The following IQCK variants were observed in gnomAD, a reference collection of about 807,000 sequenced individuals.
IQCK encodes IQ domain-containing protein K.
IQCK carries 29 observed loss-of-function variants against 28.1 expected under a neutral mutation model. That is an observed-to-expected ratio of 1.03 (90% CI 0.77 to 1.41). IQCK has a LOEUF of 1.41. Ranked by LOEUF, IQCK falls within the 40% of genes most tolerant of loss-of-function variation. The pLI is 0.00. For synonymous variants in IQCK, 113 were observed against 115.1 expected (o/e 0.98, Z 0.12); for missense variants, 359 against 314.7 (o/e 1.14, Z -1.07).
chr16:19,728,344 G>T (rs186037700), intron 1 of IQCK, among the ~76,000 whole-genome samples: 3 of 152,090 alleles, frequency 2.0e-5, no homozygotes, highest in Non-Finnish European at 4.4e-5. Context: ...CACCTCCCTG[G>T]TTCAAATGAT....
At chr16:19,836,712 C>T (rs2056303255) in intron 9 of IQCK, among the ~76,000 whole-genome samples, 3 of 152,306 alleles carry the variant, frequency 2.0e-5, no homozygotes, top group Admixed American at 1.3e-4. Flanking sequence ...TGGGGTTTCA[C>T]CATGTTGGCC....
intron 6 of IQCK, among the ~76,000 whole-genome samples, chr16:19,767,068 A>G (rs191647589): frequency 2.6e-5 from 4 of 152,162 alleles, no homozygotes; most frequent in Non-Finnish European, 2.9e-5. Flanking sequence ...AGGGCATGCA[A>G]CAGGGGGATG....
chr16:19,770,647 G>A (rs1378579540), intron 6 of IQCK, among the ~76,000 whole-genome samples: 2 of 151,942 alleles, frequency 1.3e-5, no homozygotes, highest in Admixed American at 1.3e-4. Flanking sequence ...GGGGGTGACA[G>A]GGTCTAACTC....
intron 2 of IQCK, among the ~76,000 whole-genome samples, chr16:19,733,415 A>G (rs1977903951): frequency 6.6e-6 from 1 of 152,150 alleles, no homozygotes; most frequent in Non-Finnish European, 1.5e-5. Context: ...CTGGGATTAC[A>G]GGCGTGAGTT....
At chr16:19,762,672 T>G (rs2055165449) in intron 4 of IQCK, among the ~76,000 whole-genome samples, 1 of 152,126 alleles carries the variant, frequency 6.6e-6, no homozygotes, top group African/African-American at 2.4e-5. Context: ...GAATATACAG[T>G]TGACTCCTAA....
chr16:19,785,404 A>G (rs990350202), intron 6 of IQCK, among the ~76,000 whole-genome samples: 3 of 152,192 alleles, frequency 2.0e-5, no homozygotes, highest in African/African-American at 7.2e-5. Context: ...AGTGCCAGTG[A>G]GGCAGGAGAA....
chr16:19,730,048 C>T (rs960886583), intron 1 of IQCK, among the ~76,000 whole-genome samples: 12 of 151,898 alleles, frequency 7.9e-5, no homozygotes, highest in Middle Eastern at 3.4e-3. Flanking sequence ...CTCTGCCTCC[C>T]GGGTTCAAGC....
intron 1 of IQCK, among the ~76,000 whole-genome samples, chr16:19,722,311 C>T (rs1013811926): frequency 5.3e-5 from 8 of 152,186 alleles, no homozygotes; most frequent in African/African-American, 1.9e-4. Flanking sequence ...CCCCGCTACT[C>T]GCCACTCAGC....
At chr16:19,743,391 G>A (rs1237072456) in intron 4 of IQCK, among the ~76,000 whole-genome samples, 1 of 152,216 alleles carries the variant, frequency 6.6e-6, no homozygotes, top group Non-Finnish European at 1.5e-5. Context: ...TGGAGCTGGA[G>A]CTGGGCAAGG....
intron 4 of IQCK, among the ~76,000 whole-genome samples, chr16:19,755,019 C>T (rs957610231): frequency 6.6e-6 from 1 of 151,566 alleles, no homozygotes; most frequent in African/African-American, 2.4e-5. Flanking sequence ...AATGCCTTCT[C>T]AATGGAAAAA....
At chr16:19,753,138 G>A (rs1254948704) in intron 4 of IQCK, among the ~76,000 whole-genome samples, 1 of 151,846 alleles carries the variant, frequency 6.6e-6, no homozygotes, top group Admixed American at 6.6e-5. Context: ...ATTTGGGCTG[G>A]GCATAGTGTC....
intron 4 of IQCK, among the ~76,000 whole-genome samples, chr16:19,741,735 C>T (rs1403189366): frequency 6.6e-6 from 1 of 152,042 alleles, no homozygotes; most frequent in Non-Finnish European, 1.5e-5. Flanking sequence ...GCCTGTAATC[C>T]CACCACTTAG....
chr16:19,749,316 T>A (rs546352499), intron 4 of IQCK, among the ~76,000 whole-genome samples: 37 of 152,212 alleles, frequency 2.4e-4, no homozygotes, highest in Non-Finnish European at 5.1e-4. Flanking sequence ...GCCTTCCAAC[T>A]ACACAGGTCA....
At chr16:19,731,008 G>A (rs1210971918) in intron 2 of IQCK, among the ~76,000 whole-genome samples, 1 of 152,194 alleles carries the variant, frequency 6.6e-6, no homozygotes, top group Non-Finnish European at 1.5e-5. Context: ...ACAGATGTGA[G>A]CCACTGCTCC....
chr16:19,850,714 C>T (rs2056471622), intron 9 of IQCK, among the ~76,000 whole-genome samples: 1 of 152,062 alleles, frequency 6.6e-6, no homozygotes, highest in Non-Finnish European at 1.5e-5. Context: ...AAGAATATGC[C>T]CTAAGCAAAA....
chr16:19,766,737 C>T (rs2055243742), intron 6 of IQCK, among the ~76,000 whole-genome samples: 3 of 152,168 alleles, frequency 2.0e-5, no homozygotes, highest in African/African-American at 7.2e-5. Flanking sequence ...CAGACACTAG[C>T]GTATGTCCCC....
At chr16:19,736,741 CTAT>C (rs144392953) in intron 4 of IQCK, among the ~76,000 whole-genome samples, 1 of 151,982 alleles carries the variant, frequency 6.6e-6, no homozygotes, top group South Asian at 2.1e-4. Flanking sequence ...GAGCTTCCTT[CTAT>C]TATTATTATC....
In IQCK at chr16:19,849,618, C is replaced by T. The variant is rs1183237776; in HGVS notation, c.803-6869C>T. Among the ~76,000 whole-genome samples, 7 of 151,594 alleles carry T rather than the reference C, an allele frequency of 4.6e-5. No individual in the cohort carries two copies. The East Asian group carries it at 5.8e-4, about 13-fold the overall frequency. On this transcript the variant is annotated intron_variant, in intron 9 of 9. Transcript: ENST00000320394. ...CTCTACAAAAAGTAAAAAAAATATT[C>T]GGGCATGGTGGTGCACACCTGTAGC...
chr16:19,824,516 G>A (rs1375355147), intron 7 of IQCK, among the ~76,000 whole-genome samples: 1 of 152,198 alleles, frequency 6.6e-6, no homozygotes, highest in Non-Finnish European at 1.5e-5. Context: ...GGGTACCTCC[G>A]AAATAAGGGG....
Sources: allele counts gnomAD v4.1 joint callset (sites outside exome capture counted in the v4.1 genomes callset), GRCh38; gene constraint gnomAD v4.1.1; transcripts MANE v1.5; gene names NCBI Gene and HGNC (gene_info 2026-07-23, HGNC 2026-07-21).